The following MALAT1 variants were observed in gnomAD, a reference collection of about 807,000 sequenced individuals.
MALAT1 encodes hepcarcin.
intron 1 of MALAT1, chr11:65,498,351 T>G (rs755573294): frequency 5.8e-6 from 3 of 517,688 alleles, no homozygotes; most frequent in East Asian, 5.5e-5. Context: ...TGGCGGCAAC[T>G]GGGGGGCCGC....
chr11:65,500,694 A>G (rs775961769), exon 3 of MALAT1: 1 of 518,894 alleles, frequency 1.9e-6, no homozygotes, highest in African/African-American at 1.9e-5. Flanking sequence ...GGAGGCGAGC[A>G]GGCGTTGTGC....
exon 3 of MALAT1, chr11:65,501,053 T>C (rs1173027109): frequency 3.9e-6 from 2 of 508,760 alleles, no homozygotes; most frequent in South Asian, 2.9e-5. Flanking sequence ...ATGAATTTGA[T>C]AGCCAAATTG....
chr11:65,501,379 A>T (rs747559137), exon 3 of MALAT1: 1 of 518,552 alleles, frequency 1.9e-6, no homozygotes, highest in Non-Finnish European at 3.9e-6. Context: ...AGTTTATAGA[A>T]ACTAGAGCAG....
At chr11:65,503,400 G>A (rs571909713) in exon 3 of MALAT1, 1 of 516,796 alleles carries the variant, frequency 1.9e-6, no homozygotes, top group South Asian at 1.4e-5. Flanking sequence ...ACTTCACTCA[G>A]AGGCATTTGC....
chr11:65,497,757 C>G (rs756099294), exon 1 of MALAT1: 2 of 435,992 alleles, frequency 4.6e-6, no homozygotes, highest in Non-Finnish European at 9.1e-6. Flanking sequence ...CAGCCCGAGA[C>G]TTCTGTAAAG....
Position 65,504,574 on chromosome 11 carries a change from C to T in MALAT1, n.5168+669C>T, listed in dbSNP as rs770936979. On this transcript the variant is annotated intron_variant and non_coding_transcript_variant, in intron 3 of 3. Transcript: ENST00000619449. ...TCGTATTTGTGATTGAAGCTGAGTA[C>T]ATTTTGCTGGTGTATTTTTAGGTAA... 3.7e-5 allele frequency: 19 copies of T among 518,754 alleles called. 1 individual carries two copies. In the Middle Eastern group the frequency reaches 9.5e-4, roughly 26 times the overall value. 32.1% of individuals were successfully genotyped at this position (518,754 alleles called of 1,614,324 possible).
chr11:65,504,616 T>C (rs373208627), intron 3 of MALAT1: 7 of 518,984 alleles, frequency 1.3e-5, no homozygotes, highest in East Asian at 5.4e-5. Flanking sequence ...TTTTGTTCAT[T>C]TCTGGTGGTG....
chr11:65,498,152 C>T (rs776801187), intron 1 of MALAT1: 21 of 518,850 alleles, frequency 4.0e-5, no homozygotes, highest in Admixed American at 5.8e-5. Context: ...AGTGTAAACA[C>T]TTCTGGGTGT....
At chr11:65,498,705 C>T (rs1854461228) in exon 2 of MALAT1, 2 of 518,672 alleles carry the variant, frequency 3.9e-6, no homozygotes, top group Non-Finnish European at 7.7e-6. Context: ...CCTACTGTCC[C>T]TCAAGAGAAC....
intron 1 of MALAT1, chr11:65,498,471 A>AT: frequency 1.9e-6 from 1 of 518,538 alleles, no homozygotes; most frequent in South Asian, 1.4e-5. Context: ...CGTTTCTAAG[A>AT]TTTCCCAAGC....
chr11:65,501,084 T>C (rs1229228891), exon 3 of MALAT1: 1 of 512,376 alleles, frequency 2.0e-6, no homozygotes, highest in Admixed American at 2.0e-5. Context: ...AGCAAATCTG[T>C]AAGCAGTTTG....
At chr11:65,499,558 A>G (rs370213573) in exon 3 of MALAT1, 3 of 457,320 alleles carry the variant, frequency 6.6e-6, no homozygotes, top group East Asian at 1.3e-4. Context: ...GAATTGCGTC[A>G]TTTAAAGCCT....
At chr11:65,506,436 C>A (rs755580179), downstream of MALAT1, 1 of 338,896 alleles carries the variant, frequency 3.0e-6, no homozygotes, top group Non-Finnish European at 5.8e-6. Flanking sequence ...GAAAACTTAA[C>A]AATTTTGTGT....
chr11:65,504,405 G>T (rs760113544), intron 3 of MALAT1: 2 of 518,532 alleles, frequency 3.9e-6, no homozygotes, highest in Non-Finnish European at 7.7e-6. Context: ...TTCTGATCCC[G>T]CTGCTATTAG....
At chr11:65,497,861 T>C (rs768724204) in exon 1 of MALAT1, 2 of 518,036 alleles carry the variant, frequency 3.9e-6, no homozygotes, top group Non-Finnish European at 7.7e-6. Flanking sequence ...TCAGCTCGCC[T>C]GAAGGCAGGT....
At chr11:65,501,820 C>G in exon 3 of MALAT1, 1 of 517,860 alleles carries the variant, frequency 1.9e-6, no homozygotes, top group Non-Finnish European at 3.9e-6. Flanking sequence ...AATAATGTGA[C>G]TTCTTAAAAG....
chr11:65,505,141 G>T (rs1347293567), intron 3 of MALAT1: 1 of 518,948 alleles, frequency 1.9e-6, no homozygotes, highest in African/African-American at 1.9e-5. Context: ...TGGCGTGGGG[G>T]TGGAGGGGTG....
exon 3 of MALAT1, chr11:65,501,186 GTTTGGA>G: frequency 2.0e-6 from 1 of 507,222 alleles, no homozygotes; most frequent in South Asian, 1.4e-5. Flanking sequence ...TAAATGTAGA[GTTTGGA>G]TGTGTAACTG....
intron 3 of MALAT1, chr11:65,504,157 A>AT (rs1168794244): frequency 1.4e-5 from 7 of 516,796 alleles, no homozygotes; most frequent in Non-Finnish European, 2.7e-5. Flanking sequence ...TCATGAAGCC[A>AT]TTCAGGATTT....
Sources: allele counts gnomAD v4.1 joint callset, GRCh38; gene constraint gnomAD v4.1.1; transcripts MANE v1.5; gene names NCBI Gene and HGNC (gene_info 2026-07-23, HGNC 2026-07-21).